Variants in CASK observed in about 807,000 individuals in gnomAD.
CASK encodes peripheral plasma membrane protein CASK.
Under a neutral mutation model 82.9 loss-of-function variants are expected in CASK, and 4 were observed. The observed-to-expected ratio is 0.05, with a 90% CI of 0.02 to 0.11. The LOEUF (loss-of-function observed/expected upper bound fraction) is 0.11, where lower values mean the gene tolerates loss of function less well. CASK is among the 10% of genes least tolerant of loss of function. The pLI, the probability that CASK is intolerant of heterozygous loss-of-function variation, is 1.00. For synonymous variants in CASK, 259 were observed against 253.5 expected, an observed-to-expected ratio of 1.02 and a Z score of -0.20; for missense variants, 358 against 720.9, an observed-to-expected ratio of 0.50 and a Z score of 5.76.
At chrX:41,753,012 A>G (rs1412645198) in intron 3 of CASK, among the ~76,000 whole-genome samples, 1 of 112,202 alleles carries the variant, frequency 8.9e-6, no homozygotes, top group African/African-American at 3.2e-5. Context: ...AGCAACCTAA[A>G]TTCCCAACAG....
At chrX:41,870,528 T>C (rs1404452562) in intron 1 of CASK, among the ~76,000 whole-genome samples, 2 of 111,848 alleles carry the variant, frequency 1.8e-5, no homozygotes, top group African/African-American at 6.5e-5. Context: ...AAGAGTAAAA[T>C]AAAACATAAA....
intron 1 of CASK, among the ~76,000 whole-genome samples, chrX:41,881,849 T>C (rs1223870162): frequency 9.0e-6 from 1 of 111,596 alleles, no homozygotes; most frequent in Non-Finnish European, 1.9e-5. Context: ...TCTACAATTA[T>C]AGCAAGGTAG....
At chrX:41,813,328 C>G (rs2070341810) in intron 2 of CASK, among the ~76,000 whole-genome samples, 1 of 111,325 alleles carries the variant, frequency 9.0e-6, no homozygotes, top group Non-Finnish European at 1.9e-5. Flanking sequence ...ATCACACTAC[C>G]TGACTTCAAG....
intron 21 of CASK, among the ~76,000 whole-genome samples, chrX:41,551,650 A>T (rs1245028581): frequency 1.8e-5 from 2 of 109,917 alleles, no homozygotes; most frequent in African/African-American, 6.6e-5. Context: ...TAATCCCAGC[A>T]CTTTGGGAGG....
chrX:41,538,746 T>C (rs1431577009), intron 22 of CASK, among the ~76,000 whole-genome samples: 1 of 112,197 alleles, frequency 8.9e-6, no homozygotes, highest in East Asian at 2.8e-4. Context: ...GCCATTAACA[T>C]TGAATCCTTG....
chrX:41,607,606 G>A (rs2065980268), intron 12 of CASK, among the ~76,000 whole-genome samples: 1 of 112,251 alleles, frequency 8.9e-6, no homozygotes, highest in Admixed American at 9.5e-5. Flanking sequence ...ACACTAAAGA[G>A]AAGACCCAAT....
intron 3 of CASK, among the ~76,000 whole-genome samples, chrX:41,762,676 C>T (rs1602585244): frequency 1.8e-5 from 2 of 111,481 alleles, no homozygotes; most frequent in South Asian, 7.6e-4. Flanking sequence ...CTCAACTGGC[C>T]TCTATGACTC....
At chrX:41,898,266 T>C (rs762502416) in intron 1 of CASK, among the ~76,000 whole-genome samples, 1 of 111,944 alleles carries the variant, frequency 8.9e-6, no homozygotes, top group African/African-American at 3.2e-5. Flanking sequence ...TAATTGTTTA[T>C]AGTAGTCTCT....
At chrX:41,710,278 A>G (rs1253146494) in intron 5 of CASK, among the ~76,000 whole-genome samples, 1 of 111,467 alleles carries the variant, frequency 9.0e-6, no homozygotes, top group Non-Finnish European at 1.9e-5. Flanking sequence ...ATATGAACCA[A>G]GTTTGACTGA....
chrX:41,754,124 G>A (rs916404017), intron 3 of CASK, among the ~76,000 whole-genome samples: 1 of 111,553 alleles, frequency 9.0e-6, no homozygotes, highest in Non-Finnish European at 1.9e-5. Flanking sequence ...CTGGCCAAGT[G>A]CAGTGCCTCA....
At chrX:41,840,250 C>T (rs1308727392) in intron 2 of CASK, among the ~76,000 whole-genome samples, 2 of 111,556 alleles carry the variant, frequency 1.8e-5, no homozygotes, top group Non-Finnish European at 3.8e-5. Flanking sequence ...TTTTTGATTT[C>T]TTTCATCAAA....
intron 1 of CASK, among the ~76,000 whole-genome samples, chrX:41,912,393 C>T (rs759853574): frequency 3.9e-5 from 4 of 102,780 alleles, no homozygotes; most frequent in African/African-American, 7.1e-5. Flanking sequence ...CTGCAACCTC[C>T]GCCTCCTGGG....
chrX:41,893,268 C>T (rs901312353), intron 1 of CASK, among the ~76,000 whole-genome samples: 3 of 111,615 alleles, frequency 2.7e-5, no homozygotes, highest in Non-Finnish European at 5.6e-5. Flanking sequence ...GTGGACAGTT[C>T]CACTGAAGGA....
intron 5 of CASK, chrX:41,689,968 C>T (rs1381442164): frequency 2.7e-5 from 3 of 111,232 alleles, no homozygotes; most frequent in Non-Finnish European, 3.8e-5. Context: ...CCTACATGAG[C>T]CAGTTGAAAA....
intron 1 of CASK, among the ~76,000 whole-genome samples, chrX:41,855,474 A>G (rs2071350350): frequency 8.9e-6 from 1 of 111,812 alleles, no homozygotes; most frequent in South Asian, 3.7e-4. Context: ...CTGGAAACTC[A>G]GCAGAAACTG....
chrX:41,906,903 G>A lies in CASK; in HGVS notation c.59+16027C>T, dbSNP rs147240283. Among the ~76,000 whole-genome samples the A allele has an allele frequency of 5.4e-3, 613 of 112,561 alleles. 3 individuals carry two copies. Among genetic ancestry groups the A allele is most frequent in the Middle Eastern group, 0.014 (3 of 219 alleles). ...AATACTGCATTTCCAACACTATACT[G>A]CAGAAGACAGTAAAGCTCAAATTTT... On this transcript the variant is annotated intron_variant, in intron 1 of 26. Coordinates refer to ENST00000378163, the MANE Select transcript of CASK (RefSeq NM_001367721.1).
intron 8 of CASK, among the ~76,000 whole-genome samples, chrX:41,646,406 T>C: frequency 9.0e-6 from 1 of 111,103 alleles, no homozygotes; most frequent in Non-Finnish European, 1.9e-5. Flanking sequence ...GCCTGGAGGC[T>C]ACTTATTTTA....
intron 21 of CASK, among the ~76,000 whole-genome samples, chrX:41,545,653 A>G (rs940338828): frequency 9.0e-6 from 1 of 111,625 alleles, no homozygotes; most frequent in Admixed American, 9.5e-5. Context: ...GTGCATTTCC[A>G]TGTAGACTTT....
intron 24 of CASK, 147 bp from the exon 25 acceptor site, chrX:41,531,356 G>T: frequency 3.8e-6 from 2 of 522,458 alleles, no homozygotes; most frequent in Non-Finnish European, 6.8e-6. Context: ...ACCCCCAGTG[G>T]CTTTGCAGAA....
Sources: gnomAD v4.1 joint callset for allele counts (sites outside exome capture counted in the v4.1 genomes callset) on GRCh38, gnomAD v4.1.1 for gene constraint, MANE v1.5 for transcripts, NCBI Gene and HGNC (gene_info 2026-07-23, HGNC 2026-07-21) for gene names.